ALAS2: variants seen among roughly 807,000 people sequenced by gnomAD.
The protein encoded by ALAS2 is 5-aminolevulinate synthase, erythroid-specific, mitochondrial.
Under a neutral mutation model 33.7 loss-of-function variants are expected in ALAS2, and 3 were observed. That is an observed-to-expected ratio of 0.09 (90% CI 0.04 to 0.23). ALAS2 has a LOEUF of 0.23. Ranked by LOEUF, ALAS2 falls within the 10% of genes least tolerant of loss-of-function variation. The pLI, the probability that ALAS2 is intolerant of heterozygous loss-of-function variation, is 1.00. For missense variants in ALAS2, 304 were observed against 475.1 expected (o/e 0.64, Z 3.35); for synonymous variants, 191 against 177.3 (o/e 1.08, Z -0.61).
intron 10 of ALAS2, among the ~76,000 whole-genome samples, chrX:55,012,093 T>G (rs1216797579): frequency 8.9e-6 from 1 of 111,849 alleles, no homozygotes; most frequent in Non-Finnish European, 1.9e-5. Context: ...TTAATGTTTT[T>G]GAATGAATGA....
At chrX:55,018,924 A>G (rs1336155614) in intron 6 of ALAS2, among the ~76,000 whole-genome samples, 4 of 111,496 alleles carry the variant, frequency 3.6e-5, no homozygotes, top group Non-Finnish European at 7.5e-5. Context: ...AAGAAGTTTA[A>G]TGGTTGAGGA....
intron 4 of ALAS2, among the ~76,000 whole-genome samples, chrX:55,021,758 T>G (rs1021563451): frequency 8.9e-6 from 1 of 112,273 alleles, no homozygotes; most frequent in African/African-American, 3.2e-5. Flanking sequence ...ACATGTAATA[T>G]ATTCAAACTA....
intron 10 of ALAS2, among the ~76,000 whole-genome samples, chrX:55,013,062 A>G (rs922644059): frequency 2.2e-4 from 24 of 110,331 alleles, no homozygotes; most frequent in Middle Eastern, 9.4e-3. Flanking sequence ...CATTCTCCTC[A>G]CCTATCTTCA....
chrX:55,025,962 C>T lies in ALAS2; in HGVS notation c.39G>A (p.Val13=), dbSNP rs1015624488. The T allele has an allele frequency of 1.7e-6, 2 of 1,211,105 alleles. No homozygotes were observed. The highest frequency in any genetic ancestry group is 1.7e-5 in the African/African-American group (1 of 57,675). ...GGAGGCTTGTGGGGCCCCGGGCAAG[C>T]ACTGGGCAGCACTGTAGCAGCATGG... ...TAAMLLQCCP[V]LARGPTSLLG... Residue 13 remains valine (V), a synonymous_variant, in exon 2 of 11, where the codon GTG becomes GTA. Transcript: ENST00000650242.
chrX:55,013,759 T>C, intron 9 of ALAS2, 111 bp from the exon 10 acceptor site: 3 of 967,990 alleles, frequency 3.1e-6, no homozygotes, highest in South Asian at 2.0e-5. Context: ...AATTTTGGGA[T>C]AGATTTTTTT....
At chrX:55,021,418 C>A in intron 4 of ALAS2, 144 bp from the exon 5 acceptor site, 1 of 504,552 alleles carries the variant, frequency 2.0e-6, no homozygotes, top group Non-Finnish European at 3.5e-6. Context: ...ACTTATGGAC[C>A]ACATTAACTC....
At position 55,014,744 on chromosome X, in the gene ALAS2, C is replaced by T. The variant is rs1287817378; in HGVS notation, c.1437+3G>A. The T allele has an allele frequency of 1.1e-5, 13 of 1,172,030 alleles. No individual in the cohort carries two copies. Among genetic ancestry groups the T allele is most frequent in the Non-Finnish European group, 1.5e-5 (13 of 872,908 alleles). On this transcript the variant is annotated splice_donor_region_variant and intron_variant, in intron 9 of 10. Coordinates refer to ENST00000650242, the MANE Select transcript of ALAS2 (RefSeq NM_000032.5). Reference sequence around the variant, plus strand: ...AGGGCAATGGGCATGGTGGGGCTCTCACCCGGATGGGGATGATGTGGCTGG... The same window carrying T: ...AGGGCAATGGGCATGGTGGGGCTCTTACCCGGATGGGGATGATGTGGCTGG...
At chrX:55,030,782 A>G (rs1015416742) in intron 1 of ALAS2, among the ~76,000 whole-genome samples, 160 bp downstream of exon 1, 3 of 111,796 alleles carry the variant, frequency 2.7e-5, no homozygotes, top group Non-Finnish European at 5.6e-5. Context: ...AAAGACAGAA[A>G]GAGACATGGG....
intron 10 of ALAS2, among the ~76,000 whole-genome samples, chrX:55,012,021 C>T (rs1326525709): frequency 8.9e-6 from 1 of 111,829 alleles, no homozygotes. Flanking sequence ...TGAGTTAATA[C>T]GTGTAAAGTG....
chrX:55,009,135 C>T lies in ALAS2; in HGVS notation c.*45G>A. On this transcript the variant is annotated 3_prime_UTR_variant, in exon 11 of 11. Coordinates refer to ENST00000650242, the MANE Select transcript of ALAS2 (RefSeq NM_000032.5). ...GCAGAAGACAGGAGTAGGCCTGGAC[C>T]CAAGTGAAGCGCAGGTGGGGTGTGA... 8.4e-7 allele frequency: 1 copy of T among 1,192,607 alleles called. No homozygotes were observed. The highest frequency in any genetic ancestry group is 1.8e-5 in the South Asian group (1 of 54,564).
chrX:55,010,608 T>C (rs1487696745), intron 10 of ALAS2, among the ~76,000 whole-genome samples: 1 of 111,176 alleles, frequency 9.0e-6, no homozygotes, highest in African/African-American at 3.3e-5. Context: ...CCCTTAGATA[T>C]CTGCCTCACT....
chrX:55,013,478 G>A lies in ALAS2; in HGVS notation c.1600+8C>T, dbSNP rs774592895. On this transcript the variant is annotated splice_region_variant and intron_variant, in intron 10 of 10. Coordinates refer to ENST00000650242, the MANE Select transcript of ALAS2 (RefSeq NM_000032.5). ...GAGGTCCTGTAGGCACCCATGTTGA[G>A]AACTTACCCACAAAATCTTCCATCA... The A allele has an allele frequency of 4.1e-6, 5 of 1,204,977 alleles. No individual in the cohort carries two copies. The East Asian group carries it at 1.2e-4, about 29-fold the overall frequency.
chrX:55,021,614 G>A (rs748039298), intron 4 of ALAS2, among the ~76,000 whole-genome samples: 2 of 111,884 alleles, frequency 1.8e-5, no homozygotes, highest in African/African-American at 3.2e-5. Flanking sequence ...TGTTTCTAGC[G>A]ATCTCTTTGC....
intron 10 of ALAS2, 24 bp downstream of exon 10, chrX:55,013,462 T>C (rs1190072457): frequency 8.4e-7 from 1 of 1,194,927 alleles, no homozygotes; most frequent in African/African-American, 1.8e-5. Flanking sequence ...GGAGGTCCTG[T>C]AGGCACCCAT....
intron 7 of ALAS2, 143 bp from the exon 8 acceptor site, chrX:55,015,885 C>T: frequency 1.6e-6 from 1 of 637,329 alleles, no homozygotes; most frequent in African/African-American, 2.2e-5. Flanking sequence ...TCATTTAGAA[C>T]TATTACAAAC....
intron 9 of ALAS2, 82 bp downstream of exon 9, chrX:55,014,665 G>T (rs1205743808): frequency 2.0e-6 from 2 of 1,025,282 alleles, no homozygotes; most frequent in Non-Finnish European, 1.3e-6. Context: ...ATTGAAGACA[G>T]CAACAGATGT....
At chrX:55,030,233 G>T (rs1935972237) in intron 1 of ALAS2, among the ~76,000 whole-genome samples, 1 of 111,678 alleles carries the variant, frequency 9.0e-6, no homozygotes, top group Admixed American at 9.5e-5. Context: ...CTTGCCTAGG[G>T]TCTCACAGTG....
chrX:55,018,321 T>G (rs1935739170), intron 6 of ALAS2, among the ~76,000 whole-genome samples: 1 of 111,183 alleles, frequency 9.0e-6, no homozygotes, highest in South Asian at 3.8e-4. Context: ...GGGAGTTGAT[T>G]CCTGGACCTC....
At chrX:55,020,998 T>C in intron 5 of ALAS2, 54 bp downstream of exon 5, 1 of 1,083,374 alleles carries the variant, frequency 9.2e-7, no homozygotes, top group Non-Finnish European at 1.3e-6. Context: ...TTTTTCCATG[T>C]GTGGTTTTTC....
Sources: allele counts gnomAD v4.1 joint callset (sites outside exome capture counted in the v4.1 genomes callset), GRCh38; gene constraint gnomAD v4.1.1; transcripts MANE v1.5; gene names NCBI Gene and HGNC (gene_info 2026-07-23, HGNC 2026-07-21).